GRIK4: variants seen among roughly 807,000 people sequenced by gnomAD.
The protein encoded by GRIK4 is glutamate receptor ionotropic, kainate 4.
GRIK4 carries 40 observed loss-of-function variants against 104.9 expected under a neutral mutation model. The observed-to-expected ratio is 0.38, with a 90% CI of 0.30 to 0.50. The LOEUF (loss-of-function observed/expected upper bound fraction) is 0.50, where lower values mean the gene tolerates loss of function less well. GRIK4 is among the 20% of genes least tolerant of loss of function. The pLI, the probability that GRIK4 is intolerant of heterozygous loss-of-function variation, is 0.93. For missense variants in GRIK4, 1,047 were observed against 1,308.1 expected (o/e 0.80, Z 3.08); for synonymous variants, 485 against 524.9 (o/e 0.92, Z 1.04).
intron 3 of GRIK4, among the ~76,000 whole-genome samples, chr11:120,772,445 G>A (rs1951965157): frequency 6.6e-6 from 1 of 152,168 alleles, no homozygotes; most frequent in Admixed American, 6.5e-5. Context: ...TCTGTAGTAA[G>A]TAAGTATTGG....
At chr11:120,901,959 T>G (rs1401304546) in intron 12 of GRIK4, among the ~76,000 whole-genome samples, 1 of 152,200 alleles carries the variant, frequency 6.6e-6, no homozygotes, top group Non-Finnish European at 1.5e-5. Context: ...CAAACAACTA[T>G]TAGCCTTGGT....
At chr11:120,710,486 C>G (rs1419389422) in intron 3 of GRIK4, among the ~76,000 whole-genome samples, 2 of 152,176 alleles carry the variant, frequency 1.3e-5, no homozygotes, top group Non-Finnish European at 2.9e-5. Context: ...CATATAGGCT[C>G]TGAGTCTGGC....
intron 13 of GRIK4, among the ~76,000 whole-genome samples, chr11:120,924,576 C>G (rs1013635038): frequency 6.6e-6 from 1 of 152,072 alleles, no homozygotes; most frequent in Admixed American, 6.5e-5. Flanking sequence ...CCCCTTGTCC[C>G]CACCCACCTC....
intron 3 of GRIK4, among the ~76,000 whole-genome samples, chr11:120,680,637 G>A (rs1950176974): frequency 6.6e-6 from 1 of 152,212 alleles, no homozygotes; most frequent in African/African-American, 2.4e-5. Context: ...TGTGGAAAAG[G>A]TGTTTGTTTC....
intron 1 of GRIK4, among the ~76,000 whole-genome samples, chr11:120,633,859 G>A (rs1591756388): frequency 6.6e-6 from 1 of 152,114 alleles, no homozygotes; most frequent in African/African-American, 2.4e-5. Flanking sequence ...CCTGCTTGCG[G>A]CACATCTCCC....
intron 3 of GRIK4, among the ~76,000 whole-genome samples, chr11:120,745,200 A>G (rs772752826): frequency 1.3e-5 from 2 of 152,230 alleles, no homozygotes; most frequent in South Asian, 2.1e-4. Flanking sequence ...GACTCCGGCC[A>G]GAGTCCACTG....
chr11:120,709,627 C>T (rs1170854254), intron 3 of GRIK4, among the ~76,000 whole-genome samples: 1 of 152,162 alleles, frequency 6.6e-6, no homozygotes, highest in African/African-American at 2.4e-5. Flanking sequence ...CCCTAGTTTA[C>T]TTTTATATGA....
intron 16 of GRIK4, among the ~76,000 whole-genome samples, chr11:120,959,251 G>A (rs1329893988): frequency 6.6e-6 from 1 of 152,122 alleles, no homozygotes; most frequent in Non-Finnish European, 1.5e-5. Context: ...TCTCACAGTG[G>A]AACACAGCCA....
intron 1 of GRIK4, among the ~76,000 whole-genome samples, chr11:120,640,076 A>G (rs1949451286): frequency 6.6e-6 from 1 of 152,200 alleles, no homozygotes; most frequent in African/African-American, 2.4e-5. Flanking sequence ...CCGGACCCCA[A>G]GAGAGGGTTC....
chr11:120,647,897 T>C (rs1050784793), intron 1 of GRIK4, among the ~76,000 whole-genome samples: 11 of 151,940 alleles, frequency 7.2e-5, no homozygotes, highest in Admixed American at 7.2e-4. Context: ...TGGCCGCCAG[T>C]GCCCAGCATG....
At chr11:120,712,173 G>T (rs1405275013) in intron 3 of GRIK4, among the ~76,000 whole-genome samples, 3 of 152,224 alleles carry the variant, frequency 2.0e-5, no homozygotes, top group Non-Finnish European at 4.4e-5. Context: ...AACCTGGGGT[G>T]CAGGGGCACC....
intron 3 of GRIK4, among the ~76,000 whole-genome samples, chr11:120,738,555 C>T (rs1319243331): frequency 1.3e-5 from 2 of 152,198 alleles, no homozygotes; most frequent in African/African-American, 4.8e-5. Flanking sequence ...CCCCTACCCA[C>T]CCTGTCTCAT....
At chr11:120,675,697 GCAAATTATTTGGT>G (rs1365787022) in intron 3 of GRIK4, among the ~76,000 whole-genome samples, 2 of 152,072 alleles carry the variant, frequency 1.3e-5, no homozygotes, top group African/African-American at 4.8e-5. Flanking sequence ...GTGATCTTGG[GCAAATTATTTGGT>G]CTCTGTTTCC....
chr11:120,965,931 C>T (rs1024842600), intron 18 of GRIK4, among the ~76,000 whole-genome samples: 2 of 152,310 alleles, frequency 1.3e-5, no homozygotes, highest in East Asian at 3.9e-4. Flanking sequence ...CATCTGTCCA[C>T]ATCCAGCCTT....
intron 1 of GRIK4, among the ~76,000 whole-genome samples, chr11:120,621,744 T>A (rs953718521): frequency 6.6e-6 from 1 of 152,184 alleles, no homozygotes; most frequent in East Asian, 1.9e-4. Flanking sequence ...GTGAAGGCAC[T>A]TAATTGCATG....
chr11:120,748,971 A>G (rs1951496669), intron 3 of GRIK4, among the ~76,000 whole-genome samples: 1 of 152,208 alleles, frequency 6.6e-6, no homozygotes, highest in Non-Finnish European at 1.5e-5. Context: ...GTGGGAACCC[A>G]TTAACTTTTT....
intron 1 of GRIK4, among the ~76,000 whole-genome samples, chr11:120,523,867 T>A (rs4385905): frequency 0.068 from 10,385 of 151,668 alleles, 422 homozygotes; most frequent in Middle Eastern, 0.09. Context: ...TCAGAGATCA[T>A]CATCTGTCTC....
chr11:120,656,324 A>G (rs1949709430), intron 2 of GRIK4, among the ~76,000 whole-genome samples: 7 of 152,198 alleles, frequency 4.6e-5, no homozygotes, highest in Admixed American at 4.6e-4. Flanking sequence ...TGCGACCTTC[A>G]GCTAGTCATG....
chr11:120,965,497 G>A (rs574710132), intron 18 of GRIK4, among the ~76,000 whole-genome samples: 6 of 152,154 alleles, frequency 3.9e-5, no homozygotes, highest in African/African-American at 9.6e-5. Context: ...CTTGGGGTTC[G>A]GGTCCAACAA....
Sources: gnomAD v4.1 joint callset for allele counts (sites outside exome capture counted in the v4.1 genomes callset) on GRCh38, gnomAD v4.1.1 for gene constraint, MANE v1.5 for transcripts, NCBI Gene and HGNC (gene_info 2026-07-23, HGNC 2026-07-21) for gene names.